PECAM1: variants seen among roughly 807,000 people sequenced by gnomAD.
PECAM1 encodes the protein platelet and endothelial cell adhesion molecule 1, also known as platelet endothelial cell adhesion molecule.
A neutral mutation model predicts 13.8 loss-of-function variants in PECAM1; 8 were observed. The observed-to-expected ratio is 0.58, with a 90% CI of 0.34 to 1.05. PECAM1 has a LOEUF of 1.05. PECAM1 is among the 50% of genes least tolerant of loss of function. The pLI is 0.03. For missense variants in PECAM1, 304 were observed against 141.2 expected (o/e 2.15, Z -5.84); for synonymous variants, 136 against 52.6 (o/e 2.58, Z -6.86).
intron 13 of PECAM1, 61 bp from the exon 14 acceptor site, chr17:64,341,751 A>T: frequency 2.4e-6 from 1 of 413,480 alleles, no homozygotes; most frequent in Non-Finnish European, 4.4e-6. Context: ...AGTCCACTGC[A>T]GTCATAGGAA....
intron 2 of PECAM1, among the ~76,000 whole-genome samples, chr17:64,381,969 G>A (rs929736009): frequency 4.6e-5 from 7 of 152,034 alleles, no homozygotes; most frequent in Non-Finnish European, 8.8e-5. Flanking sequence ...GTGTGGTGGT[G>A]GGCGCCTGTA....
rs1423553551 is a variant in PECAM1, at chr17:64,321,274, T to G, written c.*2542A>C. On this transcript the variant is annotated 3_prime_UTR_variant, in exon 16 of 16. Coordinates refer to ENST00000563924, the MANE Select transcript of PECAM1 (RefSeq NM_000442.5). ...TAATGAGTTCCGCGGCCGAGAAAACTCCTGGAGTGGGTGCTCCTGGGATGC... is the reference window on the plus strand; with the variant it reads ...TAATGAGTTCCGCGGCCGAGAAAACGCCTGGAGTGGGTGCTCCTGGGATGC... 1 of 201,584 alleles carries G rather than the reference T, an allele frequency of 5.0e-6. No individual in the cohort carries two copies. The highest frequency in any genetic ancestry group is 1.8e-4 in the East Asian group (1 of 5,424). The allele number at this position is 201,584 out of a possible 1,614,324, so 12.5% of individuals were successfully genotyped here. A position where few individuals can be genotyped will look rare whatever the true frequency, so the allele number is the denominator to read the frequency against.
In PECAM1 at chr17:64,323,664, T is replaced by C. The variant is rs782126119; in HGVS notation, c.*152A>G. 826 of 1,502,006 alleles carry C rather than the reference T, an allele frequency of 5.5e-4. 2 individuals are homozygous for C. Among genetic ancestry groups the C allele is most frequent in the Non-Finnish European group, 7.0e-4 (791 of 1,125,106 alleles). The allele number at this position is 1,502,006 out of a possible 1,614,324, so 93.0% of individuals were successfully genotyped here. ...CAACATTAACTTAGCAGGATGGATT[T>C]AAGAACCGGCAGCTTAGCCTGAGGA... On this transcript the variant is annotated 3_prime_UTR_variant, in exon 16 of 16. Coordinates refer to ENST00000563924, the MANE Select transcript of PECAM1 (RefSeq NM_000442.5).
intron 13 of PECAM1, among the ~76,000 whole-genome samples, chr17:64,343,731 G>A (rs1598011286): frequency 6.6e-6 from 1 of 152,194 alleles, no homozygotes; most frequent in Non-Finnish European, 1.5e-5. Flanking sequence ...TTGGAACTCA[G>A]TAGAGTGGCT....
At chr17:64,335,765 G>A (rs2035260978) in intron 14 of PECAM1, among the ~76,000 whole-genome samples, 1 of 152,204 alleles carries the variant, frequency 6.6e-6, no homozygotes, top group Admixed American at 6.5e-5. Context: ...CACAGAGGGA[G>A]TGCTCAATAC....
intron 15 of PECAM1, among the ~76,000 whole-genome samples, chr17:64,325,883 C>T (rs1386958485): frequency 6.6e-6 from 1 of 152,206 alleles, no homozygotes; most frequent in Non-Finnish European, 1.5e-5. Context: ...CCTTATCTGA[C>T]CCACACTGTT....
intron 6 of PECAM1, among the ~76,000 whole-genome samples, chr17:64,362,340 A>G (rs2036001508): frequency 6.6e-6 from 1 of 152,190 alleles, no homozygotes; most frequent in African/African-American, 2.4e-5. Flanking sequence ...CAGGATACAG[A>G]TTTAAAAAAT....
chr17:64,380,057 C>A, intron 2 of PECAM1, among the ~76,000 whole-genome samples: 1 of 149,466 alleles, frequency 6.7e-6, no homozygotes, highest in African/African-American at 2.5e-5. Flanking sequence ...AGAGGCCAGG[C>A]GCAGTGGCTC....
intron 5 of PECAM1, among the ~76,000 whole-genome samples, chr17:64,365,266 G>A (rs1290822096): frequency 1.1e-4 from 17 of 152,098 alleles, no homozygotes; most frequent in African/African-American, 1.7e-4. Flanking sequence ...AACTTACAAG[G>A]GACATGAAGG....
chr17:64,325,992 C>T (rs1567998802), intron 15 of PECAM1, among the ~76,000 whole-genome samples: 1 of 152,134 alleles, frequency 6.6e-6, no homozygotes, highest in Non-Finnish European at 1.5e-5. Flanking sequence ...TAAGAGGTCT[C>T]AACAAACTGC....
At chr17:64,361,668 G>A (rs1167872068) in intron 6 of PECAM1, among the ~76,000 whole-genome samples, 2 of 141,274 alleles carry the variant, frequency 1.4e-5, no homozygotes, top group Non-Finnish European at 1.5e-5. Context: ...CAGGAGAATC[G>A]CTTGAACCCG....
chr17:64,353,323 ACACACACACACACACACAACT>A (rs1282155698), intron 10 of PECAM1, among the ~76,000 whole-genome samples, 147 bp downstream of exon 10: 1 of 151,732 alleles, frequency 6.6e-6, no homozygotes, highest in Non-Finnish European at 1.5e-5. Flanking sequence ...ACACACACAC[ACACACACACACACACACAACT>A]CACACACACA....
chr17:64,378,336 G>A (rs2036408787), intron 2 of PECAM1, among the ~76,000 whole-genome samples: 1 of 152,108 alleles, frequency 6.6e-6, no homozygotes, highest in Admixed American at 6.6e-5. Context: ...CAAGGCAAAG[G>A]AACAGAGTGT....
chr17:64,340,286 G>T (rs2035392734), intron 14 of PECAM1, among the ~76,000 whole-genome samples: 1 of 152,054 alleles, frequency 6.6e-6, no homozygotes, highest in South Asian at 2.1e-4. Context: ...TGCTGCTGCT[G>T]GTTTGCCGAC....
At chr17:64,361,605 T>C (rs2035981789) in intron 6 of PECAM1, among the ~76,000 whole-genome samples, 1 of 151,312 alleles carries the variant, frequency 6.6e-6, no homozygotes, top group Non-Finnish European at 1.5e-5. Context: ...AATACAAAAT[T>C]AGCTGGGCAA....
intron 14 of PECAM1, among the ~76,000 whole-genome samples, chr17:64,337,912 C>CT (rs35448806): frequency 0.092 from 12,892 of 140,466 alleles, 605 homozygotes; most frequent in Middle Eastern, 0.1. Flanking sequence ...CTACTTCTTC[C>CT]TTTTTTTTTT....
chr17:64,358,908 TGCCTC>T (rs2035908826), intron 7 of PECAM1, among the ~76,000 whole-genome samples: 9 of 151,980 alleles, frequency 5.9e-5, no homozygotes, highest in Non-Finnish European at 1.3e-4. Flanking sequence ...ATGATTCTTG[TGCCTC>T]AGCCTCCCGA....
chr17:64,356,739 A>G (rs1456268992), intron 7 of PECAM1, among the ~76,000 whole-genome samples: 1 of 151,908 alleles, frequency 6.6e-6, no homozygotes, highest in Non-Finnish European at 1.5e-5. Flanking sequence ...TGATTTGCCC[A>G]CCTCGGCCTT....
At chr17:64,350,349 T>C (rs917155446) in intron 12 of PECAM1, 31 bp downstream of exon 12, 2 of 412,430 alleles carry the variant, frequency 4.8e-6, no homozygotes, top group Non-Finnish European at 8.9e-6. Context: ...TAAAAGTTGG[T>C]TCTAATAAAA....
Sources: gnomAD v4.1 joint callset for allele counts (sites outside exome capture counted in the v4.1 genomes callset) on GRCh38, gnomAD v4.1.1 for gene constraint, MANE v1.5 for transcripts, NCBI Gene and HGNC (gene_info 2026-07-23, HGNC 2026-07-21) for gene names.